Variants in CFAP46 observed in about 807,000 individuals in gnomAD.
CFAP46 encodes the protein cilia- and flagella-associated protein 46.
Under a neutral mutation model 325.7 loss-of-function variants are expected in CFAP46, and 245 were observed. The ratio of observed to expected loss-of-function variants is 0.75; its 90% confidence interval spans 0.68 to 0.84. The LOEUF (loss-of-function observed/expected upper bound fraction) is 0.84. Ranked by LOEUF, CFAP46 falls within the 40% of genes least tolerant of loss-of-function variation. The probability of loss-of-function intolerance (pLI) is 0.00; values close to 1 mark genes in which losing one functional copy is unlikely to be tolerated. For synonymous variants in CFAP46, 1,523 were observed against 1,495.9 expected (o/e 1.02, Z -0.42); for missense variants, 3,346 against 3,543.0 (o/e 0.94, Z 1.41).
chr10:132,935,061 C>A (rs1475274488), intron 7 of CFAP46, among the ~76,000 whole-genome samples, 199 bp from the exon 8 acceptor site: 1 of 152,116 alleles, frequency 6.6e-6, no homozygotes, highest in African/African-American at 2.4e-5. Flanking sequence ...GATGCCCGGC[C>A]TTCCTACAAG....
intron 27 of CFAP46, among the ~76,000 whole-genome samples, 173 bp from the exon 28 acceptor site, chr10:132,881,205 G>A (rs2135370776): frequency 6.6e-6 from 1 of 152,320 alleles, no homozygotes; most frequent in African/African-American, 2.4e-5. Flanking sequence ...GGCTCATTGG[G>A]ACATTTCAGG....
Position 132,816,898 on chromosome 10 carries a change from G to A in CFAP46, c.7118-1984C>T, listed in dbSNP as rs61538810. ...CTCATCACGCTGTGGCCTCAGATGC[G>A]GGCCGTCTGCCTGTGTCTGAGGCAC... On this transcript the variant is annotated intron_variant, in intron 50 of 57. Transcript: ENST00000368586. Among the ~76,000 whole-genome samples the A allele has an allele frequency of 6.5e-4, 99 of 152,282 alleles. No individual in the cohort carries two copies. The East Asian group carries it at 0.014, about 22-fold the overall frequency.
At chr10:132,845,950 G>C in intron 44 of CFAP46, 107 bp downstream of exon 44, 2 of 1,251,848 alleles carry the variant, frequency 1.6e-6, no homozygotes. Flanking sequence ...CATGAGCTGG[G>C]GGGTGAGCAA....
rs1353534016 is a variant in CFAP46, at chr10:132,914,029, CCCGAGG to C, written c.2121-777_2121-772del. ...ACCCCTGCAAACCTCTGGCCCCCGCCCCGAGGCTGTGTCCAGCCACACTGCACCCCG... is the reference window on the plus strand; with the variant it reads ...ACCCCTGCAAACCTCTGGCCCCCGCCCTGTGTCCAGCCACACTGCACCCCG... On this transcript the variant is annotated intron_variant, in intron 17 of 57. Transcript: ENST00000368586. Among the ~76,000 whole-genome samples, 647 of 150,622 alleles carry C rather than the reference CCCGAGG, an allele frequency of 4.3e-3. 31 individuals are homozygous for C. Among genetic ancestry groups the C allele is most frequent in the Middle Eastern group, 0.014 (4 of 294 alleles).
chr10:132,882,522 A>C (rs1277933628), intron 27 of CFAP46, among the ~76,000 whole-genome samples: 1 of 151,818 alleles, frequency 6.6e-6, no homozygotes, highest in Non-Finnish European at 1.5e-5. Context: ...GATGGTGGGA[A>C]AAGCAAGCGT....
At chr10:132,885,030 T>G in intron 27 of CFAP46, 73 bp downstream of exon 27, 1 of 1,454,086 alleles carries the variant, frequency 6.9e-7, no homozygotes, top group East Asian at 2.5e-5. Context: ...CCTGCTGAGC[T>G]TCTGTCCACA....
intron 39 of CFAP46, among the ~76,000 whole-genome samples, chr10:132,851,743 G>C (rs1479887169): frequency 6.6e-6 from 1 of 152,264 alleles, no homozygotes; most frequent in East Asian, 1.9e-4. Flanking sequence ...GCCACACCCT[G>C]CTTATCTATT....
rs2135274735 is a variant in CFAP46 at position 132,866,180 on chromosome 10, T to C, written c.4744-9A>G. ...CCATTCATCTTCAAAATCTGTAAGA[T>C]ACCGCAGCCCCAGGCGGCACGATCC... On this transcript the variant is annotated splice_polypyrimidine_tract_variant and intron_variant, in intron 34 of 57. Coordinates refer to ENST00000368586, the MANE Select transcript of CFAP46 (RefSeq NM_001200049.3). 1 of 1,513,862 alleles carries C rather than the reference T, an allele frequency of 6.6e-7. No homozygotes were observed. The highest frequency in any genetic ancestry group is 1.3e-5 in the South Asian group (1 of 78,126). 93.8% of individuals were successfully genotyped at this position (1,513,862 alleles called of 1,614,324 possible). A position where few individuals can be genotyped will look rare whatever the true frequency, so the allele number is the denominator to read the frequency against.
intron 31 of CFAP46, among the ~76,000 whole-genome samples, chr10:132,875,841 T>A (rs185765123): frequency 4.1e-4 from 63 of 152,156 alleles, no homozygotes; most frequent in Admixed American, 1.3e-3. Flanking sequence ...CACAAAAAAC[T>A]GACTAATTAC....
Position 132,877,551 on chromosome 10 carries a change from C to T in CFAP46, c.4212+330G>A, listed in dbSNP as rs1017144812. Among the ~76,000 whole-genome samples, 1 of 152,262 alleles carries T rather than the reference C, an allele frequency of 6.6e-6. No individual in the cohort carries two copies. The highest frequency in any genetic ancestry group is 1.5e-5 in the Non-Finnish European group (1 of 68,042). The stretch of plus-strand genomic sequence containing the variant: ...GGGACAACGTGCTCTGTGCAAACTG[C>T]GTGCATTACGTGGCTAGCTCCAGGC... On this transcript the variant is annotated intron_variant, in intron 30 of 57. Transcript: ENST00000368586. This position sits in a 1 kb window ranked among gnomAD's most constrained non-coding sequence, Gnocchi z 5.7.
At chr10:132,865,362 G>C (rs865791966) in intron 35 of CFAP46, among the ~76,000 whole-genome samples, 1 of 152,234 alleles carries the variant, frequency 6.6e-6, no homozygotes, top group Non-Finnish European at 1.5e-5. Context: ...TTCCGGTGCT[G>C]AGGCTTGCAG....
chr10:132,809,710 G>T (rs915629925), intron 57 of CFAP46, among the ~76,000 whole-genome samples: 38 of 152,238 alleles, frequency 2.5e-4, no homozygotes, highest in African/African-American at 9.1e-4. Flanking sequence ...CTCCTTTCTG[G>T]CTCCTCCCGC....
At position 132,884,988 on chromosome 10, in the gene CFAP46, T is replaced by C; in HGVS notation, c.3627+115A>G. ...GTGCATTCTCTGTGCCCGTCAGCTG[T>C]GGCTGCTCTGCGTGCTGCCCCACAC... On this transcript the variant is annotated intron_variant, in intron 27 of 57. Transcript: ENST00000368586. This position sits in a 1 kb window ranked among gnomAD's most constrained non-coding sequence, Gnocchi z 5.4. The C allele has an allele frequency of 1.8e-6, 2 of 1,135,290 alleles. No homozygotes were observed. The highest frequency in any genetic ancestry group is 1.2e-6 in the Non-Finnish European group (1 of 816,798). The allele number at this position is 1,135,290 out of a possible 1,614,324, so 70.3% of individuals were successfully genotyped here.
At chr10:132,859,033 C>A in intron 38 of CFAP46, 38 bp downstream of exon 38, 2 of 1,532,460 alleles carry the variant, frequency 1.3e-6, no homozygotes, top group Non-Finnish European at 8.8e-7. Context: ...GTAAGAGAAG[C>A]AGTGACTCCC....
At chr10:132,937,295 T>C in intron 6 of CFAP46, 1 of 551,400 alleles carries the variant, frequency 1.8e-6, no homozygotes, top group Non-Finnish European at 3.1e-6. Context: ...TTCAAAGCTA[T>C]TACAAAGGAA....
At chr10:132,825,917 G>A (rs75996025) in intron 50 of CFAP46, among the ~76,000 whole-genome samples, 6,153 of 152,166 alleles carry the variant, frequency 0.04, 174 homozygotes, top group Middle Eastern at 0.1. Flanking sequence ...GTAACGGGGG[G>A]TGGGGCAGAT....
At position 132,850,284 on chromosome 10, in the gene CFAP46, TC is replaced by T; in HGVS notation, c.5911del (p.Asp1971ThrfsTer19). Reference sequence around the variant, plus strand: ...CCAGTAGCAGGTAGGGTGCACAGGGTCAGCTTGCATGGCCAGCAGGTGCAGG... The same window carrying T: ...CCAGTAGCAGGTAGGGTGCACAGGGTAGCTTGCATGGCCAGCAGGTGCAGG... ...RALHLLAMQA[D>X]PVHPTCYWEA... On this transcript the variant is annotated frameshift_variant, in exon 41 of 58. Coordinates refer to ENST00000368586, the MANE Select transcript of CFAP46 (RefSeq NM_001200049.3). LOFTEE classifies it high-confidence loss of function. 6.4e-7 allele frequency: 1 copy of T among 1,550,632 alleles called. No individual in the cohort carries two copies. The highest frequency in any genetic ancestry group is 8.7e-7 in the Non-Finnish European group (1 of 1,147,012).
chr10:132,846,908 G>T lies in CFAP46; in HGVS notation c.6267+24C>A, dbSNP rs780147992. 7.5e-6 allele frequency: 12 copies of T among 1,594,350 alleles called. No homozygotes were observed. In the East Asian group the frequency reaches 2.0e-4, roughly 27 times the overall value. On this transcript the variant is annotated intron_variant, in intron 43 of 57. Transcript: ENST00000368586. ...CCCTCCTCCATGAAGGGCCTGGCTG[G>T]AGGTGGGCAGGGCAGAGACACACCT...
At chr10:132,891,313 G>T (rs1849250839) in intron 25 of CFAP46, among the ~76,000 whole-genome samples, 1 of 152,184 alleles carries the variant, frequency 6.6e-6, no homozygotes. Context: ...AAACGAGTTT[G>T]GTGGGGTCGG....
Sources: gnomAD v4.1 joint callset for allele counts (sites outside exome capture counted in the v4.1 genomes callset) on GRCh38, gnomAD v4.1.1 for gene constraint, Gnocchi (gnomAD v3.1) non-coding constraint, MANE v1.5 for transcripts, NCBI Gene and HGNC (gene_info 2026-07-23, HGNC 2026-07-21) for gene names.